The following BRINP3 variants were observed in gnomAD, a reference collection of about 807,000 sequenced individuals.
BRINP3 encodes the protein BMP/retinoic acid inducible neural specific 3, also known as BMP/retinoic acid-inducible neural-specific protein 3.
BRINP3 carries 19 observed loss-of-function variants against 71.0 expected under a neutral mutation model. That is an observed-to-expected ratio of 0.27 (90% CI 0.19 to 0.39). BRINP3 has a LOEUF of 0.39. Ranked by LOEUF, BRINP3 falls within the 10% of genes least tolerant of loss-of-function variation. BRINP3 has a pLI of 1.00. For missense variants in BRINP3, 959 were observed against 940.8 expected (o/e 1.02, Z -0.25); for synonymous variants, 380 against 337.7 (o/e 1.13, Z -1.37).
At position 190,295,011 on chromosome 1, in the gene BRINP3, T is replaced by C. The variant is rs1005092604; in HGVS notation, c.237-13261A>G. 2.0e-4 allele frequency among the ~76,000 whole-genome samples: 30 copies of C among 151,918 alleles called. 1 individual carries two copies. Among genetic ancestry groups the C allele is most frequent in the Non-Finnish European group, 2.2e-4 (15 of 68,010 alleles). Reference sequence around the variant, plus strand: ...CTCTCTACTCTGTACTTTCTGTAGTTGAAGAAGGGGTGACGCAGGCCACCA... The same window carrying C: ...CTCTCTACTCTGTACTTTCTGTAGTCGAAGAAGGGGTGACGCAGGCCACCA... On this transcript the variant is annotated intron_variant, in intron 2 of 7. Coordinates refer to ENST00000367462, the MANE Select transcript of BRINP3 (RefSeq NM_199051.3).
chr1:190,283,580 C>T (rs1158284239), intron 2 of BRINP3, among the ~76,000 whole-genome samples: 1 of 150,284 alleles, frequency 6.7e-6, no homozygotes, highest in African/African-American at 2.4e-5. Flanking sequence ...GTCACTTCTA[C>T]AATAAATTTA....
chr1:190,274,598 T>C (rs970340769), intron 3 of BRINP3, among the ~76,000 whole-genome samples: 1 of 151,678 alleles, frequency 6.6e-6, no homozygotes, highest in African/African-American at 2.4e-5. Context: ...AGATGGTCCA[T>C]TTTTTGGCAA....
chr1:190,464,113 C>T (rs1571382620), intron 1 of BRINP3, among the ~76,000 whole-genome samples: 1 of 147,122 alleles, frequency 6.8e-6, no homozygotes, highest in Non-Finnish European at 1.5e-5. Flanking sequence ...GGAATTATAA[C>T]AAAAATTACG....
chr1:190,337,694 G>A (rs777612015), intron 2 of BRINP3, among the ~76,000 whole-genome samples: 3 of 152,040 alleles, frequency 2.0e-5, no homozygotes, highest in Admixed American at 1.3e-4. Context: ...GAGGTTTTGG[G>A]ACTCAGACTG....
intron 2 of BRINP3, among the ~76,000 whole-genome samples, chr1:190,338,676 G>A (rs547994956): frequency 1.5e-4 from 23 of 151,788 alleles, no homozygotes; most frequent in Non-Finnish European, 2.8e-4. Context: ...TGCTGTAATA[G>A]TATTTTTTTT....
At chr1:190,193,280 G>T (rs1654203826) in intron 6 of BRINP3, among the ~76,000 whole-genome samples, 1 of 152,004 alleles carries the variant, frequency 6.6e-6, no homozygotes, top group African/African-American at 2.4e-5. Flanking sequence ...CAAAGAACAA[G>T]ATGATGTTTT....
intron 2 of BRINP3, among the ~76,000 whole-genome samples, chr1:190,395,189 C>T (rs916066084): frequency 4.6e-5 from 7 of 151,656 alleles, no homozygotes; most frequent in African/African-American, 1.7e-4. Context: ...TTTTGAATTG[C>T]TCTTCTTAAT....
chr1:190,122,183 A>G (rs1426657951), intron 7 of BRINP3, among the ~76,000 whole-genome samples: 1 of 152,076 alleles, frequency 6.6e-6, no homozygotes, highest in Non-Finnish European at 1.5e-5. Flanking sequence ...TCCATTGTTT[A>G]ACTCACTTAC....
intron 6 of BRINP3, among the ~76,000 whole-genome samples, chr1:190,203,376 C>A (rs1655175222): frequency 6.6e-6 from 1 of 150,642 alleles, no homozygotes. Flanking sequence ...TTAAAAGAGG[C>A]ACATTGCAAA....
At chr1:190,180,141 CA>C (rs1280139260) in intron 6 of BRINP3, among the ~76,000 whole-genome samples, 3 of 152,088 alleles carry the variant, frequency 2.0e-5, no homozygotes, top group African/African-American at 7.2e-5. Flanking sequence ...GTTCTGCACA[CA>C]AAAGGGAAAG....
In BRINP3 at chr1:190,132,365, G is replaced by A. The variant is rs562348666; in HGVS notation, c.1184+28303C>T. On this transcript the variant is annotated intron_variant, in intron 7 of 7. Coordinates refer to ENST00000367462, the MANE Select transcript of BRINP3 (RefSeq NM_199051.3). ...CTCATGTTATGCCATTACAATTTTCGTAGTGTATTGTATTACATCATGTAG... is the reference window on the plus strand; with the variant it reads ...CTCATGTTATGCCATTACAATTTTCATAGTGTATTGTATTACATCATGTAG... Among the ~76,000 whole-genome samples the A allele has an allele frequency of 1.6e-4, 25 of 151,918 alleles. No homozygotes were observed. In the East Asian group the frequency reaches 1.7e-3, roughly 11 times the overall value.
chr1:190,313,530 AC>A (rs1298572726), intron 2 of BRINP3, among the ~76,000 whole-genome samples: 1 of 152,052 alleles, frequency 6.6e-6, no homozygotes, highest in Non-Finnish European at 1.5e-5. Flanking sequence ...TGTGATTTTA[AC>A]AATAATCACA....
intron 7 of BRINP3, among the ~76,000 whole-genome samples, chr1:190,134,478 T>C (rs1295143145): frequency 6.6e-6 from 1 of 152,056 alleles, no homozygotes; most frequent in African/African-American, 2.4e-5. Flanking sequence ...AACTGCTGTG[T>C]GGAGAATGAA....
rs1651377679 is a variant in BRINP3, at chr1:190,098,317, C to T, written c.2002G>A (p.Val668Met). 2 of 1,614,116 alleles carry T rather than the reference C, an allele frequency of 1.2e-6. No individual in the cohort carries two copies. The highest frequency in any genetic ancestry group is 2.7e-5 in the African/African-American group (2 of 74,990). The change falls in exon 8 of 8, where the codon GTG (valine) becomes ATG (methionine). Residue 668 changes from valine to methionine, a missense_variant. Val to Met is a conservative substitution (Grantham distance 21, BLOSUM62 1). Transcript: ENST00000367462. The part of the protein sequence containing the change: ...LGYMKINNIQ[V>M]FGYSMHFDPE... ...TCAAAGTGCATGCTGTAGCCAAACA[C>T]TTGAATGTTATTGATTTTCATATAG...
chr1:190,366,311 G>A (rs944825243), intron 2 of BRINP3, among the ~76,000 whole-genome samples: 27 of 152,108 alleles, frequency 1.8e-4, no homozygotes, highest in Non-Finnish European at 2.1e-4. Flanking sequence ...GAAGTGCTGA[G>A]CAAAGGGGGA....
intron 7 of BRINP3, among the ~76,000 whole-genome samples, chr1:190,139,671 A>T (rs561346568): frequency 6.6e-6 from 1 of 152,276 alleles, no homozygotes; most frequent in South Asian, 2.1e-4. Flanking sequence ...AAGTCACTGT[A>T]GGAAAGGAGC....
At chr1:190,114,463 T>C (rs941667772) in intron 7 of BRINP3, among the ~76,000 whole-genome samples, 4 of 152,118 alleles carry the variant, frequency 2.6e-5, no homozygotes, top group Admixed American at 2.0e-4. Context: ...TTTATAGTAG[T>C]ATTATCCAAA....
chr1:190,409,692 T>C (rs1046896493), intron 2 of BRINP3, among the ~76,000 whole-genome samples: 5 of 152,162 alleles, frequency 3.3e-5, no homozygotes, highest in African/African-American at 1.2e-4. Context: ...ATTTGTGCAA[T>C]ACATATTTAT....
chr1:190,265,535 A>G (rs1404915610), intron 3 of BRINP3, among the ~76,000 whole-genome samples: 1 of 74,696 alleles, frequency 1.3e-5, no homozygotes, highest in Non-Finnish European at 2.9e-5. Context: ...CCCCGTCTCT[A>G]CTAAATATAT....
Sources: gnomAD v4.1 joint callset for allele counts (sites outside exome capture counted in the v4.1 genomes callset) on GRCh38, gnomAD v4.1.1 for gene constraint, MANE v1.5 for transcripts, NCBI Gene and HGNC (gene_info 2026-07-23, HGNC 2026-07-21) for gene names.